Variants in SETDB2 observed in about 807,000 individuals in gnomAD.
The protein encoded by SETDB2 is SET domain bifurcated histone lysine methyltransferase 2.
Under a neutral mutation model 82.5 loss-of-function variants are expected in SETDB2, and 56 were observed. The ratio of observed to expected loss-of-function variants is 0.68; its 90% CI spans 0.55 to 0.85. The LOEUF (loss-of-function observed/expected upper bound fraction) is 0.85, where lower values mean the gene tolerates loss of function less well. Ranked by LOEUF, SETDB2 falls within the 40% of genes least tolerant of loss-of-function variation. The probability of loss-of-function intolerance (pLI) is 0.00; values close to 1 mark genes in which losing one functional copy is unlikely to be tolerated. For synonymous variants in SETDB2, 272 were observed against 284.9 expected, an observed-to-expected ratio of 0.95 and a Z score of 0.46; for missense variants, 677 against 816.4, an observed-to-expected ratio of 0.83 and a Z score of 2.08.
intron 5 of SETDB2, among the ~76,000 whole-genome samples, chr13:49,473,244 A>G (rs1958285641): frequency 6.6e-6 from 1 of 152,118 alleles, no homozygotes; most frequent in Non-Finnish European, 1.5e-5. Context: ...AGAGCAAAAC[A>G]GGAACCAAAA....
rs765083895 is a variant in SETDB2, at chr13:49,488,285, A to T, written c.1577-5A>T. On this transcript the variant is annotated splice_region_variant and splice_polypyrimidine_tract_variant and intron_variant, in intron 11 of 13. Coordinates refer to ENST00000611815, the MANE Select transcript of SETDB2 (RefSeq NM_001160308.3). ...CCTGATGTTTCCTTCCAAAATGTCT[A>T]TTAGAGGACTCAAGTTCAAACCATG... is the stretch of plus-strand genomic sequence containing the variant. 1 of 1,572,022 alleles carries T rather than the reference A, an allele frequency of 6.4e-7. No individual in the cohort carries two copies.
chr13:49,466,523 A>G (rs1247374165), intron 4 of SETDB2, among the ~76,000 whole-genome samples: 4 of 152,182 alleles, frequency 2.6e-5, no homozygotes, highest in Non-Finnish European at 5.9e-5. Context: ...CACCAAAGAA[A>G]AAACAATCAT....
intron 4 of SETDB2, among the ~76,000 whole-genome samples, chr13:49,462,033 A>T (rs1217234542): frequency 1.3e-5 from 2 of 152,198 alleles, no homozygotes; most frequent in Non-Finnish European, 2.9e-5. Context: ...TGAGAACAGG[A>T]GCTTCTGTCC....
rs1957623691 is a variant in SETDB2, at chr13:49,444,689, TGA to T, written c.-508_-507del. 1.6e-5 allele frequency: 2 copies of T among 128,506 alleles called. No individual in the cohort carries two copies. The highest frequency in any genetic ancestry group is 5.0e-5 in the African/African-American group (2 of 39,988). The allele number at this position is 128,506 out of a possible 1,614,324, so 8.0% of individuals were successfully genotyped here. On this transcript the variant is annotated 5_prime_UTR_variant, in exon 1 of 14. Coordinates refer to ENST00000611815, the MANE Select transcript of SETDB2 (RefSeq NM_001160308.3). ...GCTGCAGAAGGGGCCGCGGGCGCAC[TGA>T]GTTTCCAACCTCCATTTCAGCCTGT...
chr13:49,461,137 A>C lies in SETDB2; in HGVS notation c.183A>C (p.Ile61=). 1 of 1,610,838 alleles carries C rather than the reference A, an allele frequency of 6.2e-7. No homozygotes were observed. Reference sequence around the variant, plus strand: ...TGATTCTAGTGAATGAAGCAACTATAATTAACAGTTCAACATCAATAAAGG... The same window carrying C: ...TGATTCTAGTGAATGAAGCAACTATCATTAACAGTTCAACATCAATAAAGG... ...QAMILVNEAT[I]INSSTSIKDP... The change falls in exon 4 of 14, where the codon ATA becomes ATC. Residue 61 remains isoleucine (I), a synonymous_variant. Coordinates refer to ENST00000611815, the MANE Select transcript of SETDB2 (RefSeq NM_001160308.3).
At chr13:49,487,069 T>G (rs1337213890) in intron 11 of SETDB2, among the ~76,000 whole-genome samples, 2 of 152,168 alleles carry the variant, frequency 1.3e-5, no homozygotes, top group African/African-American at 4.8e-5. Context: ...CTACAATATA[T>G]ATAGCGGGTA....
chr13:49,448,969 T>C (rs2138805257), intron 1 of SETDB2, among the ~76,000 whole-genome samples: 1 of 152,328 alleles, frequency 6.6e-6, no homozygotes, highest in Middle Eastern at 3.4e-3. Flanking sequence ...CATAAAATAT[T>C]TGTGTCTTTT....
In SETDB2 at chr13:49,468,047, A is replaced by G. The variant is rs1055755752; in HGVS notation, c.305+87A>G. 6.7e-6 allele frequency: 6 copies of G among 889,952 alleles called. No homozygotes were observed. The African/African-American group carries it at 1.0e-4, about 16-fold the overall frequency. 55.1% of individuals were successfully genotyped at this position (889,952 alleles called of 1,614,324 possible). ...CACTTGACATTAGAATAGATGAAAT[A>G]TACAAAAAAATTTTTCCCATTAAAG... On this transcript the variant is annotated intron_variant, in intron 5 of 13. Transcript: ENST00000611815.
At chr13:49,485,513 T>A in intron 10 of SETDB2, 117 bp from the exon 11 acceptor site, 1 of 774,766 alleles carries the variant, frequency 1.3e-6, no homozygotes, top group Non-Finnish European at 2.1e-6. Flanking sequence ...TTTGAGGCTT[T>A]TCAAAACGAA....
At position 49,471,934 on chromosome 13, in the gene SETDB2, A is replaced by ATT. The variant is rs35468680; in HGVS notation, c.305+3988_305+3989dup. Among the ~76,000 whole-genome samples, 73 of 119,258 alleles carry ATT rather than the reference A, an allele frequency of 6.1e-4. 1 individual carries two copies. Among genetic ancestry groups the ATT allele is most frequent in the East Asian group, 2.2e-3 (9 of 4,142 alleles). The allele number at this position is 119,258 out of a possible 152,430, so 78.2% of individuals were successfully genotyped here. On this transcript the variant is annotated intron_variant, in intron 5 of 13. Transcript: ENST00000611815. The stretch of plus-strand genomic sequence containing the variant: ...GTGACATATATATATATATATATAT[A>ATT]TTTTTTTTTTTTTTTAAATAGAGAC...
At chr13:49,444,981 G>A (rs1957631491) in intron 1 of SETDB2, 124 bp downstream of exon 1, 1 of 152,216 alleles carries the variant, frequency 6.6e-6, no homozygotes, top group Admixed American at 6.5e-5. Flanking sequence ...ATTAAGTAAG[G>A]AAAGATATGT....
At chr13:49,469,209 A>G (rs779976694) in intron 5 of SETDB2, among the ~76,000 whole-genome samples, 11 of 152,314 alleles carry the variant, frequency 7.2e-5, no homozygotes, top group Non-Finnish European at 1.5e-4. Flanking sequence ...ACTGAAAACA[A>G]TATTGAACAG....
At chr13:49,465,883 T>TTTATTC (rs1958102150) in intron 4 of SETDB2, among the ~76,000 whole-genome samples, 1 of 152,176 alleles carries the variant, frequency 6.6e-6, no homozygotes, top group Non-Finnish European at 1.5e-5. Context: ...AGTGTAAGGG[T>TTTATTC]AGCCATCTGA....
rs60013535 is a variant in SETDB2 at position 49,490,279 on chromosome 13, CAAA to C, written c.1918-522_1918-520del. On this transcript the variant is annotated intron_variant, in intron 12 of 13. Transcript: ENST00000611815. ...TGGGCGACAGAGTGAGACTCCGTCT[CAAA>C]AAAAAAAAAAAAAAAAAAAATCTTG... is the stretch of plus-strand genomic sequence containing the variant. Among the ~76,000 whole-genome samples, 282 of 83,158 alleles carry C rather than the reference CAAA, an allele frequency of 3.4e-3. 2 individuals are homozygous for C. In the Middle Eastern group the frequency reaches 0.067, roughly 20 times the overall value. 54.6% of individuals were successfully genotyped at this position (83,158 alleles called of 152,430 possible).
intron 6 of SETDB2, among the ~76,000 whole-genome samples, chr13:49,478,798 C>T (rs965463974): frequency 3.9e-5 from 6 of 151,980 alleles, no homozygotes; most frequent in African/African-American, 1.5e-4. Flanking sequence ...TGGTGGGACG[C>T]CCTTGTAGTC....
Position 49,484,333 on chromosome 13 carries a change from G to A in SETDB2, c.1482+770G>A, listed in dbSNP as rs181966730. Reference sequence around the variant, plus strand: ...TGCCCAGGCTGGAGTGCAATGGCACGATCTCAGCTTATTGCAACCTCTGCC... The same window carrying A: ...TGCCCAGGCTGGAGTGCAATGGCACAATCTCAGCTTATTGCAACCTCTGCC... On this transcript the variant is annotated intron_variant, in intron 10 of 13. Transcript: ENST00000611815. Among the ~76,000 whole-genome samples the A allele has an allele frequency of 1.3e-3, 198 of 152,254 alleles. 1 individual carries two copies. Among genetic ancestry groups the A allele is most frequent in the African/African-American group, 4.6e-3 (190 of 41,550 alleles).
chr13:49,475,771 A>G (rs1054631602), intron 5 of SETDB2, among the ~76,000 whole-genome samples: 9 of 151,864 alleles, frequency 5.9e-5, no homozygotes, highest in Admixed American at 1.3e-4. Flanking sequence ...TACAGTTGTG[A>G]GCCATCACAC....
chr13:49,491,365 A>G (rs1052772124), intron 13 of SETDB2, among the ~76,000 whole-genome samples: 10 of 152,242 alleles, frequency 6.6e-5, no homozygotes, highest in Non-Finnish European at 4.4e-5. Flanking sequence ...AAAGGGCTGA[A>G]GATATCAGGT....
rs751250299 is a variant in SETDB2, at chr13:49,476,851, A to G, written c.681A>G (p.Glu227=). The G allele has an allele frequency of 5.6e-6, 9 of 1,614,156 alleles. No individual in the cohort carries two copies. The highest frequency in any genetic ancestry group is 3.3e-5 in the Admixed American group (2 of 60,012). ...QLARNYPKQK[E]VVSDVDISNG... Reference sequence around the variant, plus strand: ...CTCGGAATTACCCAAAGCAAAAAGAAGTTGTTTCTGATGTGGATATTAGCA... The same window carrying G: ...CTCGGAATTACCCAAAGCAAAAAGAGGTTGTTTCTGATGTGGATATTAGCA... Residue 227 remains glutamate (E), a synonymous_variant, in exon 6 of 14, where the codon GAA becomes GAG. Coordinates refer to ENST00000611815, the MANE Select transcript of SETDB2 (RefSeq NM_001160308.3).
Sources: allele counts gnomAD v4.1 joint callset (sites outside exome capture counted in the v4.1 genomes callset), GRCh38; gene constraint gnomAD v4.1.1; transcripts MANE v1.5; gene names NCBI Gene and HGNC (gene_info 2026-07-23, HGNC 2026-07-21).